The following VPS13C variants were observed in gnomAD, a reference collection of about 807,000 sequenced individuals.
The protein encoded by VPS13C is intermembrane lipid transfer protein VPS13C.
A neutral mutation model predicts 456.8 loss-of-function variants in VPS13C; 358 were observed. The observed-to-expected ratio is 0.78, with a 90% confidence interval of 0.72 to 0.86. The LOEUF (loss-of-function observed/expected upper bound fraction) is 0.86, where lower values mean the gene tolerates loss of function less well. Among genes scored for constraint, VPS13C ranks in the 40% least tolerant of loss-of-function variants. The pLI is 0.00. For missense variants in VPS13C, 4,818 were observed against 4,385.4 expected, an observed-to-expected ratio of 1.10 and a Z score of -2.79; for synonymous variants, 1,578 against 1,486.7, an observed-to-expected ratio of 1.06 and a Z score of -1.41.
At chr15:61,953,508 C>T (rs886407576) in intron 38 of VPS13C, among the ~76,000 whole-genome samples, 9 of 150,286 alleles carry the variant, frequency 6.0e-5, no homozygotes, top group Admixed American at 1.3e-4. Flanking sequence ...TTTGTTCTTG[C>T]GACAGTTACT....
At position 61,991,214 on chromosome 15, in the gene VPS13C, G is replaced by T. The variant is rs1411934843; in HGVS notation, c.1484-120C>A. Reference sequence around the variant, plus strand: ...AGACACAAATGCTAAAGCAAAATTAGCCAGGTAATATCCTCTAATATACTA... The same window carrying T: ...AGACACAAATGCTAAAGCAAAATTATCCAGGTAATATCCTCTAATATACTA... On this transcript the variant is annotated intron_variant, in intron 17 of 84. Transcript: ENST00000644861. 4.1e-6 allele frequency: 3 copies of T among 726,368 alleles called. No homozygotes were observed. The African/African-American group carries it at 5.4e-5, about 13-fold the overall frequency. 45.0% of individuals were successfully genotyped at this position (726,368 alleles called of 1,614,324 possible).
At chr15:61,922,105 A>G in intron 54 of VPS13C, 72 bp from the exon 55 acceptor site, 1 of 1,466,708 alleles carries the variant, frequency 6.8e-7, no homozygotes, top group Non-Finnish European at 9.5e-7. Context: ...CCAATAGGGA[A>G]ATTATTAAGT....
intron 30 of VPS13C, 77 bp from the exon 31 acceptor site, chr15:61,964,938 T>G: frequency 1.5e-6 from 2 of 1,365,080 alleles, no homozygotes; most frequent in Non-Finnish European, 2.0e-6. Context: ...ACCCAAAAGA[T>G]TCTCAGGTGG....
In VPS13C at chr15:61,931,092, C is replaced by T. The variant is rs774654111; in HGVS notation, c.6036G>A (p.Ser2012=). ...TTGCAAACTCAGAGCTGACAAACCT[C>T]GATGTTGCTCTCTCAATTCCTTCTC... ...DLREGIERAT[S]RMIDRKNDQD... is the part of the protein sequence containing the mutation. The change falls in exon 50 of 85, where the codon TCG becomes TCA. Residue 2012 remains serine (S), a splice_region_variant and synonymous_variant. Transcript: ENST00000644861. 3.7e-6 allele frequency: 6 copies of T among 1,613,962 alleles called. No individual in the cohort carries two copies. The highest frequency in any genetic ancestry group is 5.1e-6 in the Non-Finnish European group (6 of 1,179,996).
chr15:61,969,307 T>A lies in VPS13C; in HGVS notation c.2903A>T (p.Glu968Val). ...ATTTTTATGGGTATTACCTTCAATT[T>A]CATGATAATCCAAGCTGATTTTCTT... ...YLKKISLDYH[E>V]IEGSKRKPLH... is the part of the protein sequence containing the mutation. Residue 968 changes from glutamate to valine, a missense_variant, in exon 28 of 85, where the codon GAA becomes GTA. Glu to Val is a moderately radical substitution (Grantham distance 121, BLOSUM62 -2). Coordinates refer to ENST00000644861, the MANE Select transcript of VPS13C (RefSeq NM_020821.3). 6.3e-7 allele frequency: 1 copy of A among 1,594,384 alleles called. No homozygotes were observed. The highest frequency in any genetic ancestry group is 8.5e-7 in the Non-Finnish European group (1 of 1,172,006).
Position 61,907,317 on chromosome 15 carries a change from T to G in VPS13C, c.9052A>C (p.Arg3018=). The G allele has an allele frequency of 6.2e-7, 1 of 1,614,054 alleles. No individual in the cohort carries two copies. Among genetic ancestry groups the G allele is most frequent in the South Asian group, 1.1e-5 (1 of 91,086 alleles). The change falls in exon 66 of 85, where the codon AGA becomes CGA. Residue 3018 remains arginine (R), a synonymous_variant. Coordinates refer to ENST00000644861, the MANE Select transcript of VPS13C (RefSeq NM_020821.3). ...LFAWADPTGT[R]KLTWTYAANV... is the part of the protein sequence containing the mutation. ...GCTGCATATGTCCATGTAAGTTTTC[T>G]GGTACCAGTAGGATCTGCCCAGGCA...
intron 3 of VPS13C, among the ~76,000 whole-genome samples, chr15:62,036,171 A>C (rs1172845585): frequency 6.6e-6 from 1 of 152,044 alleles, no homozygotes; most frequent in Non-Finnish European, 1.5e-5. Flanking sequence ...TAGGTCTCTC[A>C]GAGCTACTAA....
intron 75 of VPS13C, 47 bp from the exon 76 acceptor site, chr15:61,875,892 G>A: frequency 8.1e-7 from 1 of 1,229,888 alleles, no homozygotes; most frequent in Non-Finnish European, 1.1e-6. Flanking sequence ...ACTATTGTAA[G>A]AAACATCATA....
chr15:61,918,273 A>C lies in VPS13C; in HGVS notation c.7639-16T>G. The C allele has an allele frequency of 6.5e-7, 1 of 1,534,362 alleles. No individual in the cohort carries two copies. Among genetic ancestry groups the C allele is most frequent in the Non-Finnish European group, 8.7e-7 (1 of 1,144,336 alleles). ...GGTTTTTGATCTGTTGGACAAAAAA[A>C]AATACAAGTTTTTTAAAAGATATGT... On this transcript the variant is annotated splice_polypyrimidine_tract_variant and intron_variant, in intron 58 of 84. Transcript: ENST00000644861.
chr15:62,030,569 T>G (rs998921754), intron 5 of VPS13C, among the ~76,000 whole-genome samples: 1 of 152,134 alleles, frequency 6.6e-6, no homozygotes, highest in Non-Finnish European at 1.5e-5. Flanking sequence ...TTTATAGCAA[T>G]GCAAAAACTG....
chr15:62,014,292 A>G (rs570752906), intron 9 of VPS13C, among the ~76,000 whole-genome samples: 1 of 152,144 alleles, frequency 6.6e-6, no homozygotes, highest in Non-Finnish European at 1.5e-5. Context: ...CCTATACACT[A>G]TTGAATATGG....
intron 16 of VPS13C, among the ~76,000 whole-genome samples, chr15:61,995,841 G>A (rs971654445): frequency 1.3e-5 from 2 of 152,182 alleles, no homozygotes; most frequent in East Asian, 3.8e-4. Flanking sequence ...CAGACCCAGA[G>A]AAACTCAGAG....
chr15:61,913,522 C>A, intron 61 of VPS13C, 107 bp from the exon 62 acceptor site: 1 of 882,488 alleles, frequency 1.1e-6, no homozygotes, highest in Non-Finnish European at 1.8e-6. Flanking sequence ...TACCGTGGGA[C>A]ACAGAAATAT....
chr15:61,903,068 G>C lies in VPS13C; in HGVS notation c.9105+4196C>G, dbSNP rs1192559000. On this transcript the variant is annotated intron_variant, in intron 66 of 84. Coordinates refer to ENST00000644861, the MANE Select transcript of VPS13C (RefSeq NM_020821.3). ...TGGCTGGGCACAGTGGCTCATGCCT[G>C]CAATCCTAGCACTTTCAGAGGCCAA... 2.6e-5 allele frequency among the ~76,000 whole-genome samples: 4 copies of C among 152,194 alleles called. No homozygotes were observed. In the East Asian group the frequency reaches 7.7e-4, roughly 29 times the overall value.
At chr15:62,023,127 A>G (rs2047519084) in intron 8 of VPS13C, among the ~76,000 whole-genome samples, 1 of 151,940 alleles carries the variant, frequency 6.6e-6, no homozygotes, top group Admixed American at 6.6e-5. Flanking sequence ...AAGTTATAAT[A>G]TTATGTCTTA....
chr15:61,874,162 T>C (rs117064885), intron 77 of VPS13C, among the ~76,000 whole-genome samples: 1 of 152,062 alleles, frequency 6.6e-6, no homozygotes, highest in East Asian at 1.9e-4. Context: ...AGAACTGTGG[T>C]TATTAAAGGC....
chr15:61,928,712 T>C (rs2043952573), intron 51 of VPS13C, among the ~76,000 whole-genome samples: 1 of 151,808 alleles, frequency 6.6e-6, no homozygotes, highest in Non-Finnish European at 1.5e-5. Context: ...AAGCCCCATG[T>C]TTACCGAAAA....
chr15:61,978,621 T>C lies in VPS13C; in HGVS notation c.2290+5A>G, dbSNP rs1298357581. 2 of 1,610,202 alleles carry C rather than the reference T, an allele frequency of 1.2e-6. No homozygotes were observed. The highest frequency in any genetic ancestry group is 2.7e-5 in the African/African-American group (2 of 74,748). Reference sequence around the variant, plus strand: ...CAAGATCCTAAAAGCTGAATAACGGTTTACCTGCTCTTGCAAAAAGTAGTT... The same window carrying C: ...CAAGATCCTAAAAGCTGAATAACGGCTTACCTGCTCTTGCAAAAAGTAGTT... On this transcript the variant is annotated splice_donor_5th_base_variant and intron_variant, in intron 23 of 84. Transcript: ENST00000644861.
intron 47 of VPS13C, among the ~76,000 whole-genome samples, chr15:61,938,497 G>T (rs559308309): frequency 8.5e-5 from 13 of 152,278 alleles, no homozygotes; most frequent in African/African-American, 2.9e-4. Context: ...CCAAAGGGGG[G>T]TGTTTAGAGA....
Sources: gnomAD v4.1 joint callset for allele counts (sites outside exome capture counted in the v4.1 genomes callset) on GRCh38, gnomAD v4.1.1 for gene constraint, MANE v1.5 for transcripts, NCBI Gene and HGNC (gene_info 2026-07-23, HGNC 2026-07-21) for gene names.